KCNAB1: variants seen among roughly 807,000 people sequenced by gnomAD.
KCNAB1 encodes the protein potassium voltage-gated channel subfamily A regulatory beta subunit 1, also known as voltage-gated potassium channel subunit beta-1.
A neutral mutation model predicts 64.6 loss-of-function variants in KCNAB1; 35 were observed. That is an observed-to-expected ratio of 0.54 (90% CI 0.41 to 0.72). KCNAB1 has a LOEUF of 0.72. KCNAB1 is among the 30% of genes least tolerant of loss of function. The pLI is 0.00. For missense variants in KCNAB1, 401 were observed against 512.9 expected (o/e 0.78, Z 2.11); for synonymous variants, 177 against 183.8 (o/e 0.96, Z 0.30).
intron 1 of KCNAB1, among the ~76,000 whole-genome samples, chr3:156,374,339 A>G (rs1711517841): frequency 6.6e-6 from 1 of 152,184 alleles, no homozygotes; most frequent in Non-Finnish European, 1.5e-5. Context: ...AAAGGAATGG[A>G]GAGGAGCGAA....
chr3:156,279,320 T>C (rs1408757210), intron 1 of KCNAB1, among the ~76,000 whole-genome samples: 2 of 152,062 alleles, frequency 1.3e-5, no homozygotes, highest in African/African-American at 4.8e-5. Flanking sequence ...GGCTGCATAG[T>C]ATTCCATGGT....
chr3:156,358,331 A>G (rs180801439), intron 1 of KCNAB1, among the ~76,000 whole-genome samples: 201 of 152,320 alleles, frequency 1.3e-3, no homozygotes, highest in Non-Finnish European at 2.3e-3. Context: ...TGGGGTGGTC[A>G]TTTCTGTCCT....
At chr3:156,399,848 AC>A (rs1185471068) in intron 1 of KCNAB1, among the ~76,000 whole-genome samples, 1 of 152,174 alleles carries the variant, frequency 6.6e-6, no homozygotes, top group Non-Finnish European at 1.5e-5. Flanking sequence ...GCAATCATCC[AC>A]TTCAGAAGCA....
At chr3:156,157,976 A>G (rs1715821500) in intron 1 of KCNAB1, among the ~76,000 whole-genome samples, 1 of 151,916 alleles carries the variant, frequency 6.6e-6, no homozygotes. Flanking sequence ...ATCTTGGCTA[A>G]CACGGTGAAA....
chr3:156,278,342 G>A (rs545683234), intron 1 of KCNAB1, among the ~76,000 whole-genome samples: 1 of 152,256 alleles, frequency 6.6e-6, no homozygotes, highest in African/African-American at 2.4e-5. Context: ...CTCCTCCAGA[G>A]TCTGGTTCAC....
At chr3:156,241,448 C>T (rs1398722363) in intron 1 of KCNAB1, among the ~76,000 whole-genome samples, 2 of 152,190 alleles carry the variant, frequency 1.3e-5, no homozygotes, top group African/African-American at 2.4e-5. Context: ...ACAGATGACA[C>T]CCTAGGACAG....
At chr3:156,291,542 A>G in intron 1 of KCNAB1, 4 of 1,127,806 alleles carry the variant, frequency 3.5e-6, no homozygotes, top group Middle Eastern at 4.0e-4. Flanking sequence ...TGCAGTCACC[A>G]TGAATGCTCA....
intron 1 of KCNAB1, among the ~76,000 whole-genome samples, chr3:156,165,199 A>AC (rs1711506298): frequency 7.1e-6 from 1 of 139,952 alleles, no homozygotes; most frequent in African/African-American, 2.7e-5. Context: ...AATGGCGTGA[A>AC]CCCGGGAGGC....
At chr3:156,522,708 A>C (rs1718035090) in intron 11 of KCNAB1, among the ~76,000 whole-genome samples, 1 of 152,236 alleles carries the variant, frequency 6.6e-6, no homozygotes, top group Non-Finnish European at 1.5e-5. Flanking sequence ...AGAATAATGA[A>C]AAAATGCTCA....
chr3:156,497,428 A>C (rs1450804009), intron 8 of KCNAB1, among the ~76,000 whole-genome samples: 1 of 152,222 alleles, frequency 6.6e-6, no homozygotes, highest in Non-Finnish European at 1.5e-5. Flanking sequence ...TCCTCTGCTA[A>C]GATTCTTGCT....
chr3:156,170,503 A>G (rs1711896523), intron 1 of KCNAB1, among the ~76,000 whole-genome samples: 1 of 152,168 alleles, frequency 6.6e-6, no homozygotes, highest in South Asian at 2.1e-4. Context: ...CAGAAAGGGC[A>G]AATATGGGTT....
At chr3:156,143,254 C>G in intron 1 of KCNAB1, 6 of 1,613,978 alleles carry the variant, frequency 3.7e-6, no homozygotes, top group Middle Eastern at 1.7e-4. Context: ...TGAATCGGCT[C>G]TAAAATGTAG....
intron 1 of KCNAB1, among the ~76,000 whole-genome samples, chr3:156,342,716 G>A (rs967554550): frequency 3.3e-5 from 5 of 149,274 alleles, no homozygotes; most frequent in Non-Finnish European, 7.4e-5. Context: ...GCCCACTAAC[G>A]TGTCATCTAG....
intron 1 of KCNAB1, among the ~76,000 whole-genome samples, chr3:156,415,268 C>T (rs1714968367): frequency 1.3e-5 from 2 of 152,310 alleles, no homozygotes; most frequent in South Asian, 4.1e-4. Flanking sequence ...CAGAAAGCAA[C>T]TAACACTAAT....
At chr3:156,287,361 A>AC (rs1720153105) in intron 1 of KCNAB1, among the ~76,000 whole-genome samples, 1 of 151,884 alleles carries the variant, frequency 6.6e-6, no homozygotes, top group East Asian at 1.9e-4. Context: ...AAAAAAAAAA[A>AC]AAAAAAACTA....
intron 1 of KCNAB1, among the ~76,000 whole-genome samples, chr3:156,297,774 G>A (rs1720897400): frequency 2.0e-5 from 3 of 152,012 alleles, no homozygotes; most frequent in Admixed American, 6.6e-5. Flanking sequence ...GTGTGTGTGT[G>A]CGCGTGTGCT....
intron 1 of KCNAB1, among the ~76,000 whole-genome samples, chr3:156,182,367 G>A (rs1373891519): frequency 6.6e-6 from 1 of 152,134 alleles, no homozygotes; most frequent in Non-Finnish European, 1.5e-5. Context: ...GCTAATACTA[G>A]AATTTATTAA....
intron 1 of KCNAB1, among the ~76,000 whole-genome samples, chr3:156,354,028 A>T (rs1186682344): frequency 7.1e-6 from 1 of 141,390 alleles, no homozygotes; most frequent in Non-Finnish European, 1.5e-5. Context: ...GTATTGTCAT[A>T]ATGTGTGTGT....
At chr3:156,461,084 C>T (rs1712871812) in intron 5 of KCNAB1, among the ~76,000 whole-genome samples, 1 of 151,726 alleles carries the variant, frequency 6.6e-6, no homozygotes, top group Non-Finnish European at 1.5e-5. Context: ...TTCATGTTCC[C>T]ACTCAGTCCT....
Sources: allele counts gnomAD v4.1 joint callset (sites outside exome capture counted in the v4.1 genomes callset), GRCh38; gene constraint gnomAD v4.1.1; transcripts MANE v1.5; gene names NCBI Gene and HGNC (gene_info 2026-07-23, HGNC 2026-07-21).